WFDC13: variants seen among roughly 807,000 people sequenced by gnomAD.
WFDC13 encodes WAP four-disulfide core domain protein 13.
A neutral mutation model predicts 10.9 loss-of-function variants in WFDC13; 6 were observed. That is an observed-to-expected ratio of 0.55 (90% confidence interval 0.30 to 1.09). WFDC13 has a LOEUF of 1.09. Among genes scored for constraint, WFDC13 ranks in the 50% least tolerant of loss-of-function variants. WFDC13 has a pLI of 0.06. For synonymous variants in WFDC13, 38 were observed against 39.5 expected, an observed-to-expected ratio of 0.96 and a Z score of 0.14; for missense variants, 104 against 109.6, an observed-to-expected ratio of 0.95 and a Z score of 0.23.
chr20:45,705,046 A>G (rs1285293578), intron 2 of WFDC13: 12 of 1,573,240 alleles, frequency 7.6e-6, no homozygotes, highest in East Asian at 2.2e-5. Flanking sequence ...GGAAGTTTTG[A>G]TTAATTGTCC....
chr20:45,702,308 G>A (rs1226222905), intron 1 of WFDC13, 97 bp downstream of exon 1: 23 of 1,264,186 alleles, frequency 1.8e-5, no homozygotes, highest in South Asian at 9.5e-5. Context: ...GAAAAATACC[G>A]TGTCATGTTC....
intron 1 of WFDC13, among the ~76,000 whole-genome samples, chr20:45,703,491 C>A (rs1308105802): frequency 6.6e-6 from 1 of 152,134 alleles, no homozygotes; most frequent in African/African-American, 2.4e-5. Flanking sequence ...GAGGAATAGA[C>A]CCACAATTCC....
rs1332459780 is a variant in WFDC13, at chr20:45,707,967, T to G, written c.*132T>G. Reference sequence around the variant, plus strand: ...CGTTTTTGAGTTTGGCAATAAAGGCTAATCTACCATAAAACTCTTGAAGCT... The same window carrying G: ...CGTTTTTGAGTTTGGCAATAAAGGCGAATCTACCATAAAACTCTTGAAGCT... On this transcript the variant is annotated 3_prime_UTR_variant, in exon 4 of 4. Transcript: ENST00000305479. 1 of 152,218 alleles carries G rather than the reference T, an allele frequency of 6.6e-6. No homozygotes were observed. Among genetic ancestry groups the G allele is most frequent in the African/African-American group, 2.4e-5 (1 of 41,442 alleles). The allele number at this position is 152,218 out of a possible 1,614,324, so 9.4% of individuals were successfully genotyped here.
intron 3 of WFDC13, among the ~76,000 whole-genome samples, chr20:45,706,470 T>A (rs1347051945): frequency 6.6e-6 from 1 of 152,132 alleles, no homozygotes; most frequent in Non-Finnish European, 1.5e-5. Flanking sequence ...TTCCAGTTTT[T>A]TCTCTGAAAA....
intron 1 of WFDC13, among the ~76,000 whole-genome samples, chr20:45,702,429 CAGG>C (rs1984204314): frequency 6.6e-6 from 1 of 152,180 alleles, no homozygotes; most frequent in South Asian, 2.1e-4. Context: ...ATAATGAATA[CAGG>C]AGGAGAACAG....
At chr20:45,704,362 G>A in intron 1 of WFDC13, 82 bp from the exon 2 acceptor site, 1 of 1,523,512 alleles carries the variant, frequency 6.6e-7, no homozygotes, top group South Asian at 1.3e-5. Context: ...CAGGTTTCCT[G>A]GCAGTTCCCT....
At chr20:45,703,029 G>T (rs933947999) in intron 1 of WFDC13, among the ~76,000 whole-genome samples, 2 of 152,198 alleles carry the variant, frequency 1.3e-5, no homozygotes, top group African/African-American at 4.8e-5. Context: ...CAAGCTACAA[G>T]AAAATAGGAG....
At chr20:45,704,917 C>T (rs73908189) in intron 2 of WFDC13, 5 of 1,613,852 alleles carry the variant, frequency 3.1e-6, no homozygotes, top group Non-Finnish European at 4.2e-6. Flanking sequence ...GGACACTGTA[C>T]CTGCAGGTGT....
rs1984465556 is a variant in WFDC13 at position 45,708,083 on chromosome 20, G to C, written c.*248G>C. 1 of 152,210 alleles carries C rather than the reference G, an allele frequency of 6.6e-6. No individual in the cohort carries two copies. The highest frequency in any genetic ancestry group is 2.1e-4 in the South Asian group (1 of 4,830). 9.4% of individuals were successfully genotyped at this position (152,210 alleles called of 1,614,324 possible). A position where few individuals can be genotyped will look rare whatever the true frequency, so the allele number is the denominator to read the frequency against. On this transcript the variant is annotated 3_prime_UTR_variant, in exon 4 of 4. Transcript: ENST00000305479. ...GGAGAGGAATCAGAAACCCCACTTT[G>C]GCATAGAGACAAGCAGCACTGTTCC... is the stretch of plus-strand genomic sequence containing the variant.
rs181132950 is a variant in WFDC13 at position 45,706,851 on chromosome 20, G to A, written c.*22+924G>A. 3.3e-3 allele frequency among the ~76,000 whole-genome samples: 504 copies of A among 152,220 alleles called. 1 individual carries two copies. Among genetic ancestry groups the A allele is most frequent in the African/African-American group, 0.011 (477 of 41,538 alleles). ...AGAATGGTGAACAAAATGGAGTCCT[G>A]TGGAATTCCACCACCAAAAAAATGA... On this transcript the variant is annotated intron_variant, in intron 3 of 3. Coordinates refer to ENST00000305479, the MANE Select transcript of WFDC13 (RefSeq NM_172005.2).
At chr20:45,704,868 A>G in intron 2 of WFDC13, 1 of 1,587,928 alleles carries the variant, frequency 6.3e-7, no homozygotes, top group Non-Finnish European at 8.6e-7. Flanking sequence ...GCCTTTATCC[A>G]CAGACCTTCC....
chr20:45,706,421 A>G (rs946302591), intron 3 of WFDC13, among the ~76,000 whole-genome samples: 1 of 152,222 alleles, frequency 6.6e-6, no homozygotes, highest in African/African-American at 2.4e-5. Flanking sequence ...GCAAAGGTAG[A>G]AACTGCCAGC....
At chr20:45,702,375 G>A (rs1984200706) in intron 1 of WFDC13, among the ~76,000 whole-genome samples, 164 bp downstream of exon 1, 1 of 152,206 alleles carries the variant, frequency 6.6e-6, no homozygotes. Context: ...CTCTGTTGCT[G>A]AGTGACCTTG....
At chr20:45,704,267 C>T (rs1042090449) in intron 1 of WFDC13, among the ~76,000 whole-genome samples, 177 bp from the exon 2 acceptor site, 1 of 152,202 alleles carries the variant, frequency 6.6e-6, no homozygotes. Flanking sequence ...GCCCTGCTTC[C>T]CTGCTCAGAA....
rs756040197 is a variant in WFDC13 at position 45,704,605 on chromosome 20, T to G, written c.239+11T>G. On this transcript the variant is annotated intron_variant, in intron 2 of 3. Coordinates refer to ENST00000305479, the MANE Select transcript of WFDC13 (RefSeq NM_172005.2). Reference sequence around the variant, plus strand: ...TCAAAAGCGCAACAGGTAAGAGATATCTCATATCCAGGTCTGATCCTAGAG... The same window carrying G: ...TCAAAAGCGCAACAGGTAAGAGATAGCTCATATCCAGGTCTGATCCTAGAG... 3.1e-6 allele frequency: 5 copies of G among 1,613,484 alleles called. No homozygotes were observed. Among genetic ancestry groups the G allele is most frequent in the Non-Finnish European group, 1.7e-6 (2 of 1,179,750 alleles).
In WFDC13 at chr20:45,705,843, A is replaced by T. The variant is rs757611774; in HGVS notation, c.240-20A>T. 1 of 1,610,126 alleles carries T rather than the reference A, an allele frequency of 6.2e-7. No individual in the cohort carries two copies. ...GTAAAACTTCACTAGTTAATATTTG[A>T]AAATATTTTTCTTCTACAGAATCAA... On this transcript the variant is annotated intron_variant, in intron 2 of 3. Transcript: ENST00000305479.
rs769165977 is a variant in WFDC13 at position 45,704,560 on chromosome 20, G to A, written c.205G>A (p.Val69Ile). 39 of 1,614,034 alleles carry A rather than the reference G, an allele frequency of 2.4e-5. No homozygotes were observed. The African/African-American group carries it at 3.9e-4, about 16-fold the overall frequency. The change falls in exon 2 of 4, where the codon GTC becomes ATC. Residue 69 changes from valine (V) to isoleucine (I), a missense_variant. By Grantham distance (29) the Val-to-Ile change is conservative. Transcript: ENST00000305479. ...GTGCTGTTCCTCCTTCTGTGGGATA[G>A]TCTGTTCATCAGAAACATTTCAAAA... Reference protein sequence around the residue: ...FQCCSSFCGIVCSSETFQKRN... With the variant: ...FQCCSSFCGIICSSETFQKRN...
At chr20:45,705,080 C>T (rs757688134) in intron 2 of WFDC13, 3 of 1,302,482 alleles carry the variant, frequency 2.3e-6, no homozygotes, top group Non-Finnish European at 3.3e-6. Context: ...AGCCGCAAGC[C>T]TGCTAAATGG....
Position 45,704,521 on chromosome 20 carries a change from G to A in WFDC13, c.166G>A (p.Glu56Lys), listed in dbSNP as rs950993784. ...THLCTMQEDCEKGFQCCSSFC... is the reference protein window; with the variant it reads ...THLCTMQEDCKKGFQCCSSFC... ...CCTGTGTACAATGCAGGAAGATTGCGAGAAAGGATTTCAGTGCTGTTCCTC... is the reference window on the plus strand; with the variant it reads ...CCTGTGTACAATGCAGGAAGATTGCAAGAAAGGATTTCAGTGCTGTTCCTC... The change falls in exon 2 of 4, where the codon GAG becomes AAG. Residue 56 changes from glutamate (E) to lysine (K), a missense_variant. Glu to Lys is a moderately conservative substitution (Grantham distance 56). Coordinates refer to ENST00000305479, the MANE Select transcript of WFDC13 (RefSeq NM_172005.2). 19 of 1,614,008 alleles carry A rather than the reference G, an allele frequency of 1.2e-5. No individual in the cohort carries two copies. Among genetic ancestry groups the A allele is most frequent in the African/African-American group, 5.3e-5 (4 of 74,908 alleles).
Sources: gnomAD v4.1 joint callset for allele counts (sites outside exome capture counted in the v4.1 genomes callset) on GRCh38, gnomAD v4.1.1 for gene constraint, MANE v1.5 for transcripts, NCBI Gene and HGNC (gene_info 2026-07-23, HGNC 2026-07-21) for gene names.